PPP6R2: variants seen among roughly 807,000 people sequenced by gnomAD.
PPP6R2 encodes protein phosphatase 6 regulatory subunit 2, also known as serine/threonine-protein phosphatase 6 regulatory subunit 2.
A neutral mutation model predicts 100.2 loss-of-function variants in PPP6R2; 62 were observed. The ratio of observed to expected loss-of-function variants is 0.62; its 90% CI spans 0.50 to 0.76. The LOEUF is 0.76. Ranked by LOEUF, PPP6R2 falls within the 30% of genes least tolerant of loss-of-function variation. The pLI, the probability that PPP6R2 is intolerant of heterozygous loss-of-function variation, is 0.00. For synonymous variants in PPP6R2, 525 were observed against 514.7 expected (o/e 1.02, Z -0.27); for missense variants, 1,142 against 1,276.3 (o/e 0.89, Z 1.60).
At chr22:50,349,828 A>C (rs1439090046) in intron 1 of PPP6R2, among the ~76,000 whole-genome samples, 1 of 142,178 alleles carries the variant, frequency 7.0e-6, no homozygotes, top group Admixed American at 7.0e-5. Flanking sequence ...AAAAAAAAAA[A>C]ACAGAAAAAA....
the PPP6R2 span, among the ~76,000 whole-genome samples, chr22:50,333,660 T>C: frequency 6.6e-6 from 1 of 152,212 alleles, no homozygotes; most frequent in Non-Finnish European, 1.5e-5. Flanking sequence ...AAAATTGTTT[T>C]GACTATTTTG....
chr22:50,336,149 T>C, the PPP6R2 span, among the ~76,000 whole-genome samples: 1 of 151,704 alleles, frequency 6.6e-6, no homozygotes, highest in East Asian at 1.9e-4. Context: ...CATGCCCGGC[T>C]AATTTTGTTT....
At chr22:50,364,409 G>A (rs1243095020) in intron 1 of PPP6R2, among the ~76,000 whole-genome samples, 1 of 152,112 alleles carries the variant, frequency 6.6e-6, no homozygotes, top group African/African-American at 2.4e-5. Flanking sequence ...TTGAGTTCCT[G>A]GGTTCCTCAG....
chr22:50,439,779 C>G lies in PPP6R2; in HGVS notation c.2207C>G (p.Ser736Cys). ...CCAGGAGTGGTGAGGGACGTGGGTT[C>G]CAGTGTGTGGGCAGCTGGCACCTCA... Reference protein sequence around the residue: ...TAPGVVRDVGSSVWAAGTSAP... With the variant: ...TAPGVVRDVGCSVWAAGTSAP... The change falls in exon 20 of 24, where the codon TCC (serine) becomes TGC (cysteine). Residue 736 changes from serine (S) to cysteine (C), a missense_variant. Physicochemically the swap from Ser to Cys is moderately radical, Grantham distance 112 (BLOSUM62 -1). This residue lies in a region of PPP6R2 where 550 missense variants were observed against 517.4 expected (regional missense o/e 1.06). Transcript: ENST00000612753. 6.2e-7 allele frequency: 1 copy of G among 1,613,820 alleles called. No individual in the cohort carries two copies. Among genetic ancestry groups the G allele is most frequent in the Non-Finnish European group, 8.5e-7 (1 of 1,179,950 alleles).
chr22:50,438,408 G>T (rs2148338299), intron 18 of PPP6R2, 110 bp downstream of exon 18: 1 of 1,515,254 alleles, frequency 6.6e-7, no homozygotes, highest in South Asian at 1.3e-5. Context: ...AGCCACACCT[G>T]TCCTGCCAGC....
At chr22:50,409,574 T>C (rs2059449958) in intron 4 of PPP6R2, among the ~76,000 whole-genome samples, 2 of 151,970 alleles carry the variant, frequency 1.3e-5, no homozygotes, top group East Asian at 1.9e-4. Context: ...TCTGCAGGCG[T>C]GCACCCCCAC....
In PPP6R2 at chr22:50,359,811, GT is replaced by G. The variant is rs1249296624; in HGVS notation, c.-147-12205del. On this transcript the variant is annotated intron_variant, in intron 1 of 23. Transcript: ENST00000612753. ...ACTTTCTTTTCTTTTGATGTCTTTG[GT>G]TTTGGTATCAAGGTAATACTGGGAC... Among the ~76,000 whole-genome samples the G allele has an allele frequency of 8.5e-5, 13 of 152,154 alleles. 1 individual carries two copies. Among genetic ancestry groups the G allele is most frequent in the African/African-American group, 3.1e-4 (13 of 41,534 alleles).
At chr22:50,353,108 C>T (rs929903825) in intron 1 of PPP6R2, among the ~76,000 whole-genome samples, 2 of 152,150 alleles carry the variant, frequency 1.3e-5, no homozygotes, top group African/African-American at 4.8e-5. Context: ...AGCTGCTTTG[C>T]TTTATTATTA....
chr22:50,440,790 T>C (rs771415240), intron 21 of PPP6R2, 32 bp from the exon 22 acceptor site: 8 of 1,610,162 alleles, frequency 5.0e-6, no homozygotes, highest in Non-Finnish European at 6.8e-6. Flanking sequence ...CCCTCCTGCC[T>C]CACTGGACAG....
intron 3 of PPP6R2, among the ~76,000 whole-genome samples, chr22:50,396,542 G>A (rs1355432030): frequency 6.6e-6 from 1 of 151,186 alleles, no homozygotes; most frequent in East Asian, 1.9e-4. Context: ...TCACACACAT[G>A]AAAACGATAT....
chr22:50,375,330 C>T (rs545850361), intron 2 of PPP6R2, among the ~76,000 whole-genome samples: 6 of 152,110 alleles, frequency 3.9e-5, no homozygotes, highest in Non-Finnish European at 8.8e-5. Flanking sequence ...CAAAATCTAA[C>T]TGAAAATAAC....
At chr22:50,442,545 C>T (rs1428027999) in intron 22 of PPP6R2, among the ~76,000 whole-genome samples, 1 of 124,962 alleles carries the variant, frequency 8.0e-6, no homozygotes, top group Non-Finnish European at 1.8e-5. Context: ...AGTTTAGTCA[C>T]TGAAATTTTT....
At chr22:50,339,537 GT>G (rs2042345112), upstream of PPP6R2, among the ~76,000 whole-genome samples, 1 of 129,544 alleles carries the variant, frequency 7.7e-6, no homozygotes, top group African/African-American at 2.9e-5. Context: ...GGTGTGTGGT[GT>G]GTGTGTGGTG....
At chr22:50,400,816 G>A (rs558490003) in intron 3 of PPP6R2, among the ~76,000 whole-genome samples, 46 of 152,238 alleles carry the variant, frequency 3.0e-4, no homozygotes, top group African/African-American at 1.1e-3. Flanking sequence ...GTTGTTCTGG[G>A]CTCCCTGAAC....
In PPP6R2 at chr22:50,422,261, G is replaced by A. The variant is rs545360904; in HGVS notation, c.853G>A (p.Gly285Ser). Reference protein sequence around the residue: ...LLETRRVGTEGLVDSFSQGLE... With the variant: ...LLETRRVGTESLVDSFSQGLE... Reference sequence around the variant, plus strand: ...TGCTTTCCTCATCCACAGGACAGAGGGCTTGGTGGACTCCTTTTCTCAGGG... The same window carrying A: ...TGCTTTCCTCATCCACAGGACAGAGAGCTTGGTGGACTCCTTTTCTCAGGG... The change falls in exon 9 of 24, where the codon GGC becomes AGC. Residue 285 changes from glycine to serine, a missense_variant. Physicochemically the swap from Gly to Ser is moderately conservative, Grantham distance 56. Around this residue, in one of 2 missense-constraint regions of PPP6R2, gnomAD observed 592 missense variants for 758.9 expected, o/e 0.78. Transcript: ENST00000612753. 2 of 1,613,904 alleles carry A rather than the reference G, an allele frequency of 1.2e-6. No individual in the cohort carries two copies. The highest frequency in any genetic ancestry group is 2.7e-5 in the African/African-American group (2 of 74,912).
intron 2 of PPP6R2, among the ~76,000 whole-genome samples, chr22:50,383,732 T>G (rs949783358): frequency 3.9e-5 from 6 of 151,952 alleles, no homozygotes; most frequent in African/African-American, 1.4e-4. Flanking sequence ...GCTAAAAAAT[T>G]AACTTAAAAA....
At chr22:50,349,376 A>C (rs1420268383) in intron 1 of PPP6R2, among the ~76,000 whole-genome samples, 2 of 150,202 alleles carry the variant, frequency 1.3e-5, no homozygotes, top group South Asian at 2.1e-4. Flanking sequence ...AAAAAAAAAA[A>C]AAAAAAAACG....
chr22:50,444,535 TGGGGGTG>T lies in PPP6R2; in HGVS notation c.*294_*300del, dbSNP rs761556684. On this transcript the variant is annotated 3_prime_UTR_variant, in exon 24 of 24. Coordinates refer to ENST00000612753, the MANE Select transcript of PPP6R2 (RefSeq NM_001242898.2). Reference sequence around the variant, plus strand: ...CGGCCTGCAGGAGCCGGGGTGGGGGTGGGGGTGGGGGGGGCAGGACCCTGAGATGCCA... The same window carrying T: ...CGGCCTGCAGGAGCCGGGGTGGGGGTGGGGGGGCAGGACCCTGAGATGCCA... 1,616 of 67,366 alleles carry T rather than the reference TGGGGGTG, an allele frequency of 0.024. 34 individuals are homozygous for T. Among genetic ancestry groups the T allele is most frequent in the Non-Finnish European group, 0.028 (1,117 of 39,348 alleles). The allele number at this position is 67,366 out of a possible 1,614,324, so 4.2% of individuals were successfully genotyped here.
chr22:50,356,859 G>A (rs1042001404), intron 1 of PPP6R2, among the ~76,000 whole-genome samples: 8 of 151,836 alleles, frequency 5.3e-5, no homozygotes, highest in Non-Finnish European at 8.8e-5. Flanking sequence ...GCTTGAACCC[G>A]GGAGGCAGAG....
Sources: gnomAD v4.1 joint callset for allele counts (sites outside exome capture counted in the v4.1 genomes callset) on GRCh38, gnomAD v4.1.1 for gene constraint, gnomAD v4.1.1 regional missense constraint, MANE v1.5 for transcripts, NCBI Gene and HGNC (gene_info 2026-07-23, HGNC 2026-07-21) for gene names.